Variants in SMC3 observed in about 807,000 individuals in gnomAD.
SMC3 encodes the protein structural maintenance of chromosomes protein 3.
SMC3 carries 20 observed loss-of-function variants against 171.8 expected under a neutral mutation model. The observed-to-expected ratio is 0.12, with a 90% CI of 0.08 to 0.17. The LOEUF (loss-of-function observed/expected upper bound fraction) is 0.17, where lower values mean the gene tolerates loss of function less well. Ranked by LOEUF, SMC3 falls within the 10% of genes least tolerant of loss-of-function variation. SMC3 has a pLI of 1.00. For missense variants in SMC3, 543 were observed against 1,420.4 expected, an observed-to-expected ratio of 0.38 and a Z score of 9.93; for synonymous variants, 464 against 451.1, an observed-to-expected ratio of 1.03 and a Z score of -0.36.
intron 17 of SMC3, among the ~76,000 whole-genome samples, chr10:110,592,263 C>A (rs1484809192): frequency 2.8e-5 from 4 of 144,416 alleles, no homozygotes; most frequent in Admixed American, 6.9e-5. Flanking sequence ...GACTCCATCT[C>A]AAAAAAAAAA....
intron 17 of SMC3, 68 bp downstream of exon 17, chr10:110,591,200 A>G (rs1486404206): frequency 2.8e-6 from 4 of 1,439,300 alleles, no homozygotes; most frequent in African/African-American, 1.4e-5. Context: ...AATCTAACAC[A>G]TGCTAGTGCC....
At chr10:110,592,279 T>A (rs76253775) in intron 17 of SMC3, among the ~76,000 whole-genome samples, 17,301 of 148,868 alleles carry the variant, frequency 0.12, 1,169 homozygotes, top group East Asian at 0.25. Context: ...AAAAAAAAAA[T>A]TTTATAGAAC....
rs998239097 is a variant in SMC3, at chr10:110,580,985, C to A, written c.511C>A (p.Arg171=). ...EVAGTRVYDE[R]KEESISLMKE... Reference sequence around the variant, plus strand: ...AGCTGGTACTAGAGTGTATGACGAACGAAAGGAAGAAAGCATCTCCTTAAT... The same window carrying A: ...AGCTGGTACTAGAGTGTATGACGAAAGAAAGGAAGAAAGCATCTCCTTAAT... The change falls in exon 8 of 29, where the codon CGA becomes AGA. Residue 171 remains arginine (R), a synonymous_variant. Coordinates refer to ENST00000361804, the MANE Select transcript of SMC3 (RefSeq NM_005445.4). The A allele has an allele frequency of 6.2e-7, 1 of 1,600,196 alleles. No homozygotes were observed. The highest frequency in any genetic ancestry group is 1.7e-5 in the Admixed American group (1 of 59,974).
chr10:110,596,510 T>C lies in SMC3; in HGVS notation c.2076T>C (p.Leu692=). 2 of 1,614,126 alleles carry C rather than the reference T, an allele frequency of 1.2e-6. No homozygotes were observed. Among genetic ancestry groups the C allele is most frequent in the South Asian group, 2.2e-5 (2 of 91,082 alleles). ...VRKAEEELGE[L]EAKLNENLRR... is the part of the protein sequence containing the mutation. ...AAGCAGAAGAAGAACTAGGTGAACTTGAAGCAAAGCTCAATGAAAACCTGC... is the reference window on the plus strand; with the variant it reads ...AAGCAGAAGAAGAACTAGGTGAACTCGAAGCAAAGCTCAATGAAAACCTGC... Residue 692 remains leucine (L), a synonymous_variant, in exon 19 of 29, where the codon CTT becomes CTC. Coordinates refer to ENST00000361804, the MANE Select transcript of SMC3 (RefSeq NM_005445.4).
rs1293566982 is a variant in SMC3, at chr10:110,581,343, T to G, written c.547+322T>G. Among the ~76,000 whole-genome samples the G allele has an allele frequency of 4.0e-5, 6 of 151,494 alleles. No homozygotes were observed. The Admixed American group carries it at 4.0e-4, about 10-fold the overall frequency. ...AGTGATTCTCCTGCCTCAGCCTCCC[T>G]GAGTAGCTGGGATTACAGGTGCCCA... On this transcript the variant is annotated intron_variant, in intron 8 of 28. Coordinates refer to ENST00000361804, the MANE Select transcript of SMC3 (RefSeq NM_005445.4).
At chr10:110,581,215 A>C (rs1861024589) in intron 8 of SMC3, among the ~76,000 whole-genome samples, 194 bp downstream of exon 8, 2 of 91,606 alleles carry the variant, frequency 2.2e-5, no homozygotes, top group Admixed American at 1.8e-4. Context: ...ACGCACACTG[A>C]CTTTTTTTTT....
intron 17 of SMC3, among the ~76,000 whole-genome samples, chr10:110,591,937 T>A (rs1437202376): frequency 6.6e-6 from 1 of 151,988 alleles, no homozygotes; most frequent in Non-Finnish European, 1.5e-5. Flanking sequence ...AAGGAGTACA[T>A]GGAGCGTGGT....
chr10:110,595,172 G>T (rs914305726), intron 18 of SMC3, among the ~76,000 whole-genome samples: 2 of 151,860 alleles, frequency 1.3e-5, no homozygotes, highest in Admixed American at 6.6e-5. Context: ...TAGAGACGGG[G>T]TTTCTCTATG....
At chr10:110,589,109 G>T (rs948037354) in intron 13 of SMC3, among the ~76,000 whole-genome samples, 1 of 152,074 alleles carries the variant, frequency 6.6e-6, no homozygotes, top group Non-Finnish European at 1.5e-5. Flanking sequence ...CTGAAATGGG[G>T]CCGGGCGCAG....
In SMC3 at chr10:110,583,903, G is replaced by C. The variant is rs140210218; in HGVS notation, c.1032G>C (p.Leu344=). 5.0e-6 allele frequency: 8 copies of C among 1,612,246 alleles called. No homozygotes were observed. The African/African-American group carries it at 1.1e-4, about 22-fold the overall frequency. The change falls in exon 12 of 29, where the codon CTG becomes CTC. Residue 344 remains leucine (L), a synonymous_variant. Transcript: ENST00000361804. ...LEKIEEKQKE[L]AETEPKFNSV... ...AAATAGAAGAAAAGCAGAAAGAACT[G>C]GCAGAAACAGAACCCAAATTCAACA...
chr10:110,591,254 A>G (rs1861200614), intron 17 of SMC3, 122 bp downstream of exon 17: 2 of 999,370 alleles, frequency 2.0e-6, no homozygotes, highest in Non-Finnish European at 3.0e-6. Flanking sequence ...AGATAAAAAT[A>G]TCTGTCTTCC....
chr10:110,568,262 G>A, intron 1 of SMC3: 1 of 218,482 alleles, frequency 4.6e-6, no homozygotes, highest in Non-Finnish European at 9.0e-6. Context: ...GGCTTCCCCG[G>A]CCCGGGGGCG....
At chr10:110,603,124 T>C in intron 27 of SMC3, 60 bp from the exon 28 acceptor site, 2 of 1,537,842 alleles carry the variant, frequency 1.3e-6, no homozygotes, top group Non-Finnish European at 1.8e-6. Context: ...AGATAGTTGC[T>C]TTTTAAATTT....
rs1861458573 is a variant in SMC3 at position 110,605,728 on chromosome 10, T to A, written c.*1426T>A. ...CTATGACTACATTCAAAGGGTTACG[T>A]AACTATAATATCTTTCTAATATTTC... On this transcript the variant is annotated 3_prime_UTR_variant, in exon 29 of 29. Coordinates refer to ENST00000361804, the MANE Select transcript of SMC3 (RefSeq NM_005445.4). 1.3e-5 allele frequency among the ~76,000 whole-genome samples: 2 copies of A among 152,214 alleles called. No homozygotes were observed. The highest frequency in any genetic ancestry group is 4.8e-5 in the African/African-American group (2 of 41,460).
At chr10:110,580,662 A>T (rs1163011967) in intron 7 of SMC3, among the ~76,000 whole-genome samples, 1 of 152,210 alleles carries the variant, frequency 6.6e-6, no homozygotes, top group Non-Finnish European at 1.5e-5. Context: ...TGACATTCAA[A>T]GGAAATGCTT....
intron 5 of SMC3, 80 bp downstream of exon 5, chr10:110,577,572 G>A: frequency 9.9e-7 from 1 of 1,008,890 alleles, no homozygotes; most frequent in South Asian, 1.4e-5. Context: ...AACTTTTTAA[G>A]CTTTTATAAT....
At chr10:110,599,042 T>TAAAA (rs538467688) in intron 20 of SMC3, among the ~76,000 whole-genome samples, 259 of 140,964 alleles carry the variant, frequency 1.8e-3, no homozygotes, top group African/African-American at 6.1e-3. Context: ...ACAAAGAGCT[T>TAAAA]AAAAAAAAAA....
In SMC3 at chr10:110,580,897, ATT is replaced by A; in HGVS notation, c.430-4_430-3del. Reference sequence around the variant, plus strand: ...CTATGTAATGATTATTTTTCTAAAAATTTTAGATCAACCAGATGGCAACAGCA... The same window carrying A: ...CTATGTAATGATTATTTTTCTAAAAATTAGATCAACCAGATGGCAACAGCA... On this transcript the variant is annotated splice_region_variant and splice_polypyrimidine_tract_variant and intron_variant, in intron 7 of 28. Transcript: ENST00000361804. The A allele has an allele frequency of 6.6e-7, 1 of 1,508,478 alleles. No individual in the cohort carries two copies. The highest frequency in any genetic ancestry group is 9.2e-7 in the Non-Finnish European group (1 of 1,083,562). The allele number at this position is 1,508,478 out of a possible 1,614,324, so 93.4% of individuals were successfully genotyped here. A position where few individuals can be genotyped will look rare whatever the true frequency, so the allele number is the denominator to read the frequency against.
chr10:110,575,286 G>A (rs752770871), intron 3 of SMC3, 50 bp from the exon 4 acceptor site: 1 of 1,393,156 alleles, frequency 7.2e-7, no homozygotes, highest in East Asian at 2.3e-5. Flanking sequence ...TTATAAATAA[G>A]TTATAAACAC....
Sources: allele counts gnomAD v4.1 joint callset (sites outside exome capture counted in the v4.1 genomes callset), GRCh38; gene constraint gnomAD v4.1.1; transcripts MANE v1.5; gene names NCBI Gene and HGNC (gene_info 2026-07-23, HGNC 2026-07-21).